SEPTIN9: variants seen among roughly 807,000 people sequenced by gnomAD.
SEPTIN9 encodes septin 9, also known as septin-9.
In SEPTIN9, 13 loss-of-function variants were observed where a neutral mutation model predicts 56.6. The ratio of observed to expected loss-of-function variants is 0.23; its 90% CI spans 0.15 to 0.37. The LOEUF (loss-of-function observed/expected upper bound fraction) is 0.37, where lower values mean the gene tolerates loss of function less well. SEPTIN9 is among the 10% of genes least tolerant of loss of function. The pLI, the probability that SEPTIN9 is intolerant of heterozygous loss-of-function variation, is 1.00. For missense variants in SEPTIN9, 650 were observed against 823.1 expected (o/e 0.79, Z 2.57); for synonymous variants, 332 against 334.1 (o/e 0.99, Z 0.07).
rs1170662584 is a variant in SEPTIN9, at chr17:77,403,480, C to G, written c.721+777C>G. ...CACAGCCGTGCTGACATGGAGCTTA[C>G]AGGCAGGGGATTGGTGCCAGTCCTG... On this transcript the variant is annotated intron_variant, in intron 3 of 11. Coordinates refer to ENST00000427177, the MANE Select transcript of SEPTIN9 (RefSeq NM_001113491.2). Among the ~76,000 whole-genome samples the G allele has an allele frequency of 2.0e-5, 3 of 152,330 alleles. No homozygotes were observed. The East Asian group carries it at 5.8e-4, about 29-fold the overall frequency.
At chr17:77,311,696 C>T (rs375704863) in intron 2 of SEPTIN9, among the ~76,000 whole-genome samples, 5 of 152,280 alleles carry the variant, frequency 3.3e-5, no homozygotes, top group South Asian at 4.1e-4. Context: ...AGTGCCTCCT[C>T]GCTATTTCCC....
chr17:77,348,701 A>T (rs762415879), intron 2 of SEPTIN9, among the ~76,000 whole-genome samples: 4 of 152,198 alleles, frequency 2.6e-5, no homozygotes, highest in African/African-American at 4.8e-5. Context: ...CTTAGAATTA[A>T]CATTGTTTTT....
At position 77,451,485 on chromosome 17, in the gene SEPTIN9, C is replaced by CGGCTCTCG; in HGVS notation, c.722-30657_722-30650dup. ...GCCATGTGACCCGGTGGGCGGGCCG[C>CGGCTCTCG]GGCTCTCGGCGCGTCCAGCGCAGCC... On this transcript the variant is annotated intron_variant, in intron 3 of 11. Coordinates refer to ENST00000427177, the MANE Select transcript of SEPTIN9 (RefSeq NM_001113491.2). The surrounding 1 kb of genome is among the most constrained non-coding windows in gnomAD (Gnocchi z 4.2). 1 of 985,806 alleles carries CGGCTCTCG rather than the reference C, an allele frequency of 1.0e-6. No homozygotes were observed. The highest frequency in any genetic ancestry group is 1.2e-6 in the Non-Finnish European group (1 of 830,230). 61.1% of individuals were successfully genotyped at this position (985,806 alleles called of 1,614,324 possible). A position where few individuals can be genotyped will look rare whatever the true frequency, so the allele number is the denominator to read the frequency against.
chr17:77,361,168 C>T (rs1489636871), intron 2 of SEPTIN9, among the ~76,000 whole-genome samples: 1 of 152,176 alleles, frequency 6.6e-6, no homozygotes, highest in Non-Finnish European at 1.5e-5. Flanking sequence ...AGGTGATCCA[C>T]CCGCCTTGGC....
intron 2 of SEPTIN9, chr17:77,320,391 C>T: frequency 6.4e-7 from 1 of 1,555,452 alleles, no homozygotes; most frequent in Non-Finnish European, 8.9e-7. Flanking sequence ...CCCCACTGCC[C>T]TGGACTCGGG....
rs1033370895 is a variant in SEPTIN9, at chr17:77,400,122, G to C, written c.77-1937G>C. ...CTCCTGAGTAGCTGGGACTATAGGCGAGTGTCACCATGCCCAGCTAATTTT... is the reference window on the plus strand; with the variant it reads ...CTCCTGAGTAGCTGGGACTATAGGCCAGTGTCACCATGCCCAGCTAATTTT... On this transcript the variant is annotated intron_variant, in intron 2 of 11. Coordinates refer to ENST00000427177, the MANE Select transcript of SEPTIN9 (RefSeq NM_001113491.2). This position sits in a 1 kb window ranked among gnomAD's most constrained non-coding sequence, Gnocchi z 4.1. Among the ~76,000 whole-genome samples, 1 of 152,126 alleles carries C rather than the reference G, an allele frequency of 6.6e-6. No homozygotes were observed. The highest frequency in any genetic ancestry group is 2.4e-5 in the African/African-American group (1 of 41,410).
At chr17:77,470,547 CACTCATCCACCTATCT>C (rs1268795900) in intron 3 of SEPTIN9, among the ~76,000 whole-genome samples, 2 of 152,158 alleles carry the variant, frequency 1.3e-5, no homozygotes, top group African/African-American at 4.8e-5. Flanking sequence ...TCCACCAATT[CACTCATCCACCTATCT>C]ACTCATCCAC....
intron 2 of SEPTIN9, chr17:77,376,300 G>A: frequency 3.0e-6 from 3 of 986,168 alleles, no homozygotes; most frequent in Non-Finnish European, 3.6e-6. Flanking sequence ...TGGTCCACGG[G>A]AAGCATCTGG....
At chr17:77,356,365 TGGTGGCTGAGAACA>T (rs2143828310) in intron 2 of SEPTIN9, among the ~76,000 whole-genome samples, 1 of 152,098 alleles carries the variant, frequency 6.6e-6, no homozygotes, top group Admixed American at 6.5e-5. Context: ...TGGTTTATTG[TGGTGGCTGAGAACA>T]GGGACGTGGG....
At chr17:77,392,325 C>T (rs1663371227) in intron 2 of SEPTIN9, among the ~76,000 whole-genome samples, 2 of 152,216 alleles carry the variant, frequency 1.3e-5, no homozygotes, top group South Asian at 4.1e-4. Context: ...CAGAATCCAT[C>T]AGAGTGGCCT....
In SEPTIN9 at chr17:77,390,022, C is replaced by A. The variant is rs144478162; in HGVS notation, c.77-12037C>A. On this transcript the variant is annotated intron_variant, in intron 2 of 11. Transcript: ENST00000427177. ...GGAACCAGGGGCACGCGGTAGATGA[C>A]GGGAGCAGGCACAGAGAGGCCTTCG... is the stretch of plus-strand genomic sequence containing the variant. Among the ~76,000 whole-genome samples the A allele has an allele frequency of 2.7e-3, 415 of 152,242 alleles. 1 individual carries two copies. Among genetic ancestry groups the A allele is most frequent in the African/African-American group, 9.5e-3 (393 of 41,546 alleles).
intron 2 of SEPTIN9, among the ~76,000 whole-genome samples, chr17:77,345,621 C>A (rs1256853415): frequency 6.6e-6 from 1 of 152,172 alleles, no homozygotes; most frequent in Non-Finnish European, 1.5e-5. Context: ...TCCCATTGGG[C>A]TAGAGCTGGG....
At chr17:77,394,242 G>A (rs549959387) in intron 2 of SEPTIN9, among the ~76,000 whole-genome samples, 153 of 152,314 alleles carry the variant, frequency 1.0e-3, no homozygotes, top group Non-Finnish European at 1.7e-3. Context: ...TCACAGGAGA[G>A]TGAAGACAAG....
In SEPTIN9 at chr17:77,388,366, G is replaced by A. The variant is rs947939418; in HGVS notation, c.77-13693G>A. ...GTCCAGTTGCGGCCCCTCCTACACAGCACACCCACCACCCCCTTTTACCTG... is the reference window on the plus strand; with the variant it reads ...GTCCAGTTGCGGCCCCTCCTACACAACACACCCACCACCCCCTTTTACCTG... On this transcript the variant is annotated intron_variant, in intron 2 of 11. Coordinates refer to ENST00000427177, the MANE Select transcript of SEPTIN9 (RefSeq NM_001113491.2). Among the ~76,000 whole-genome samples, 110 of 152,140 alleles carry A rather than the reference G, an allele frequency of 7.2e-4. 1 individual carries two copies. Among genetic ancestry groups the A allele is most frequent in the Admixed American group, 5.6e-3 (85 of 15,288 alleles).
Position 77,318,671 on chromosome 17 carries a change from T to C in SEPTIN9, c.76+11474T>C, listed in dbSNP as rs2143645403. On this transcript the variant is annotated intron_variant, in intron 2 of 11. Transcript: ENST00000427177. This position sits in a 1 kb window ranked among gnomAD's most constrained non-coding sequence, Gnocchi z 4.9. ...ATGTCTCCCAGAAGGCTGGGAATGG[T>C]CCTCCCCACCCCCCAGGAAGATGTC... Among the ~76,000 whole-genome samples the C allele has an allele frequency of 6.6e-6, 1 of 152,098 alleles. No homozygotes were observed. The highest frequency in any genetic ancestry group is 2.1e-4 in the South Asian group (1 of 4,808).
At chr17:77,284,097 T>C (rs571539313) in intron 1 of SEPTIN9, among the ~76,000 whole-genome samples, 1 of 151,818 alleles carries the variant, frequency 6.6e-6, no homozygotes, top group Non-Finnish European at 1.5e-5. Context: ...TCCCAGCTAC[T>C]CAGGAGGCTG....
chr17:77,338,801 T>A (rs945970837), intron 2 of SEPTIN9, among the ~76,000 whole-genome samples: 47 of 152,360 alleles, frequency 3.1e-4, no homozygotes, highest in African/African-American at 1.1e-3. Context: ...TTATGTTTGA[T>A]AGCATCTTAC....
intron 3 of SEPTIN9, among the ~76,000 whole-genome samples, chr17:77,415,871 C>G (rs906513388): frequency 5.9e-5 from 9 of 152,192 alleles, no homozygotes; most frequent in African/African-American, 1.7e-4. Flanking sequence ...GTGGGCAGGA[C>G]AGCCCCAGGA....
chr17:77,475,376 G>A lies in SEPTIN9; in HGVS notation c.722-6768G>A. On this transcript the variant is annotated intron_variant, in intron 3 of 11. Transcript: ENST00000427177. The surrounding 1 kb of genome is among the most constrained non-coding windows in gnomAD (Gnocchi z 4.6). Reference sequence around the variant, plus strand: ...TCTGAAGGACTTTGCAGGCACCCAGGGAGATAGGAGAGGAGGAGGGAGCAG... The same window carrying A: ...TCTGAAGGACTTTGCAGGCACCCAGAGAGATAGGAGAGGAGGAGGGAGCAG... 2 of 1,441,124 alleles carry A rather than the reference G, an allele frequency of 1.4e-6. No homozygotes were observed. The highest frequency in any genetic ancestry group is 1.8e-6 in the Non-Finnish European group (2 of 1,103,474). 89.3% of individuals were successfully genotyped at this position (1,441,124 alleles called of 1,614,324 possible).
Sources: gnomAD v4.1 joint callset for allele counts (sites outside exome capture counted in the v4.1 genomes callset) on GRCh38, gnomAD v4.1.1 for gene constraint, Gnocchi (gnomAD v3.1) non-coding constraint, MANE v1.5 for transcripts, NCBI Gene and HGNC (gene_info 2026-07-23, HGNC 2026-07-21) for gene names.